ACBD5: variants seen among roughly 807,000 people sequenced by gnomAD.
ACBD5 encodes acyl-CoA binding domain containing 5, also known as acyl-CoA-binding domain-containing protein 5.
In ACBD5, 40 loss-of-function variants were observed where a neutral mutation model predicts 71.8. That is an observed-to-expected ratio of 0.56 (90% CI 0.43 to 0.72). The LOEUF (loss-of-function observed/expected upper bound fraction) is 0.72, where lower values mean the gene tolerates loss of function less well. ACBD5 is among the 30% of genes least tolerant of loss of function. ACBD5 has a pLI of 0.00. For missense variants in ACBD5, 559 were observed against 644.5 expected, an observed-to-expected ratio of 0.87 and a Z score of 1.44; for synonymous variants, 229 against 218.6, an observed-to-expected ratio of 1.05 and a Z score of -0.42.
chr10:27,183,073 T>C (rs2058419340), intron 13 of ACBD5, among the ~76,000 whole-genome samples: 1 of 152,212 alleles, frequency 6.6e-6, no homozygotes, highest in African/African-American at 2.4e-5. Context: ...TCCCTAATCT[T>C]GCGAGAGAGA....
At chr10:27,215,966 C>T (rs934823890) in intron 7 of ACBD5, among the ~76,000 whole-genome samples, 3 of 151,230 alleles carry the variant, frequency 2.0e-5, no homozygotes, top group Non-Finnish European at 2.9e-5. Context: ...CCTCCGCCTC[C>T]CGGATTCAAG....
At chr10:27,231,705 G>T in intron 4 of ACBD5, 43 bp downstream of exon 4, 1 of 1,558,216 alleles carries the variant, frequency 6.4e-7, no homozygotes, top group Non-Finnish European at 8.8e-7. Context: ...TTAAATTAGA[G>T]CTGCTCTGAA....
chr10:27,204,924 G>A (rs112575012), intron 11 of ACBD5, among the ~76,000 whole-genome samples: 4,749 of 152,144 alleles, frequency 0.031, 76 homozygotes, highest in African/African-American at 0.039. Context: ...TCAGGAGATC[G>A]AGACCATCTT....
intron 13 of ACBD5, among the ~76,000 whole-genome samples, chr10:27,182,906 C>T (rs2058409566): frequency 6.6e-6 from 1 of 151,950 alleles, no homozygotes; most frequent in South Asian, 2.1e-4. Flanking sequence ...CCTCAGCCTC[C>T]CCAAAATGCT....
rs2063891848 is a variant in ACBD5, at chr10:27,231,736, TA to T, written c.375+11del. 1 of 1,613,086 alleles carries T rather than the reference TA, an allele frequency of 6.2e-7. No individual in the cohort carries two copies. Among genetic ancestry groups the T allele is most frequent in the East Asian group, 2.2e-5 (1 of 44,812 alleles). ...CTGAATTTTCATTTTAACTGTGAAT[TA>T]TTTTCCCTACCTTTTTCATTTCTTC... is the stretch of plus-strand genomic sequence containing the variant. On this transcript the variant is annotated intron_variant, in intron 4 of 12. Transcript: ENST00000396271.
At chr10:27,233,767 G>A (rs192037077) in intron 3 of ACBD5, among the ~76,000 whole-genome samples, 1 of 152,230 alleles carries the variant, frequency 6.6e-6, no homozygotes, top group East Asian at 1.9e-4. Context: ...TGGGGCGGGA[G>A]CGGGGGGTGG....
At chr10:27,236,827 G>C (rs1402498408) in intron 2 of ACBD5, among the ~76,000 whole-genome samples, 2 of 144,762 alleles carry the variant, frequency 1.4e-5, no homozygotes, top group African/African-American at 2.6e-5. Flanking sequence ...GGTGGTTGCA[G>C]TGAGCCAAGA....
In ACBD5 at chr10:27,210,984, A is replaced by G. The variant is rs750391724; in HGVS notation, c.1034T>C (p.Ile345Thr). Residue 345 changes from isoleucine to threonine, a missense_variant, in exon 9 of 13, where the codon ATT (isoleucine) becomes ACT (threonine). Coordinates refer to ENST00000396271, the MANE Select transcript of ACBD5 (RefSeq NM_145698.5). ...GTTGCCATTTCCAGGAGGTACTTGA[A>G]TATCTTCACGAAATCCAGAATTTTC... ...PMENSGFRED[I>T]QVPPGNGNIG... The G allele has an allele frequency of 1.1e-5, 18 of 1,614,058 alleles. No homozygotes were observed. The highest frequency in any genetic ancestry group is 3.3e-4 in the Middle Eastern group (2 of 6,084).
intron 5 of ACBD5, 81 bp downstream of exon 5, chr10:27,223,257 G>GA (rs1224796306): frequency 3.5e-5 from 38 of 1,085,740 alleles, no homozygotes; most frequent in Non-Finnish European, 5.0e-5. Flanking sequence ...GTGAAAGTAA[G>GA]AAAAAAAATC....
At position 27,240,068 on chromosome 10, in the gene ACBD5, C is replaced by A. The variant is rs1172952316; in HGVS notation, c.181+251G>T. Among the ~76,000 whole-genome samples, 3 of 152,064 alleles carry A rather than the reference C, an allele frequency of 2.0e-5. No homozygotes were observed. The highest frequency in any genetic ancestry group is 6.6e-5 in the Admixed American group (1 of 15,264). On this transcript the variant is annotated intron_variant, in intron 2 of 12. Transcript: ENST00000396271. The surrounding 1 kb of genome is among the most constrained non-coding windows in gnomAD (Gnocchi z 4.1). ...CGGCCCGGATTTATTTTTTAACACA[C>A]CCAAATCCGCAGTCATTAAGTGACA...
downstream of ACBD5, among the ~76,000 whole-genome samples, chr10:27,191,551 A>C (rs2059078338): frequency 6.6e-6 from 1 of 152,106 alleles, no homozygotes; most frequent in Admixed American, 6.6e-5. Flanking sequence ...TGGGAGCTCT[A>C]CTTTCCACTT....
At position 27,235,098 on chromosome 10, in the gene ACBD5, T is replaced by C; in HGVS notation, c.296A>G (p.Tyr99Cys). 1.9e-6 allele frequency: 3 copies of C among 1,613,928 alleles called. No homozygotes were observed. The highest frequency in any genetic ancestry group is 2.5e-6 in the Non-Finnish European group (3 of 1,179,908). ...RPGFWDPIGR[Y>C]KWDAWSSLGD... Reference sequence around the variant, plus strand: ...GCTCTACACAAAAAATTACCATTTATATCTTCCAATAGGATCCCAAAATCC... The same window carrying C: ...GCTCTACACAAAAAATTACCATTTACATCTTCCAATAGGATCCCAAAATCC... Residue 99 changes from tyrosine (Y) to cysteine (C), a missense_variant, in exon 3 of 13, where the codon TAT becomes TGT. By Grantham distance (194) the Tyr-to-Cys change is radical (BLOSUM62 -2). Coordinates refer to ENST00000396271, the MANE Select transcript of ACBD5 (RefSeq NM_145698.5).
rs747726422 is a variant in ACBD5, at chr10:27,204,505, C to T, written c.1500G>A (p.Thr500=). 29 of 1,613,902 alleles carry T rather than the reference C, an allele frequency of 1.8e-5. No individual in the cohort carries two copies. Among genetic ancestry groups the T allele is most frequent in the Non-Finnish European group, 2.3e-5 (27 of 1,179,974 alleles). The change falls in exon 12 of 13, where the codon ACG becomes ACA. Residue 500 remains threonine (T), a synonymous_variant. Transcript: ENST00000396271. The part of the protein sequence containing the change: ...WPFEMSPGVL[T]FAIIWPFIAQ... ...CAATAAAAGGCCATATGATGGCAAACGTTAGCACACCAGGAGACATCTCGA... is the reference window on the plus strand; with the variant it reads ...CAATAAAAGGCCATATGATGGCAAATGTTAGCACACCAGGAGACATCTCGA...
At chr10:27,222,410 TAAAA>T (rs11322768) in intron 5 of ACBD5, among the ~76,000 whole-genome samples, 3 of 140,402 alleles carry the variant, frequency 2.1e-5, no homozygotes, top group African/African-American at 5.3e-5. Context: ...GACAAAATTC[TAAAA>T]AAAAAAAAAA....
intron 4 of ACBD5, among the ~76,000 whole-genome samples, chr10:27,229,466 T>C (rs2800397): frequency 0.78 from 117,373 of 151,442 alleles, 45,726 homozygotes; most frequent in African/African-American, 0.86. Context: ...ACGGCATGCC[T>C]CTGTAATCCC....
At chr10:27,212,447 C>T (rs2061191796) in intron 8 of ACBD5, among the ~76,000 whole-genome samples, 1 of 152,090 alleles carries the variant, frequency 6.6e-6, no homozygotes, top group Admixed American at 6.6e-5. Context: ...CTTTCATCAA[C>T]CTTCCCCAAA....
chr10:27,201,456 A>C lies in ACBD5; in HGVS notation c.1565+2984T>G, dbSNP rs148501058. Among the ~76,000 whole-genome samples the C allele has an allele frequency of 4.1e-3, 629 of 152,342 alleles. 3 individuals carry two copies. Among genetic ancestry groups the C allele is most frequent in the African/African-American group, 0.014 (585 of 41,590 alleles). On this transcript the variant is annotated intron_variant, in intron 12 of 12. Transcript: ENST00000396271. Reference sequence around the variant, plus strand: ...ATTATTCTACGCTAGAAAAAAAACCAGCAGACTTTATGTATTAATTTTAAT... The same window carrying C: ...ATTATTCTACGCTAGAAAAAAAACCCGCAGACTTTATGTATTAATTTTAAT...
chr10:27,193,672 A>G (rs2059177683), downstream of ACBD5, among the ~76,000 whole-genome samples: 1 of 152,168 alleles, frequency 6.6e-6, no homozygotes, highest in South Asian at 2.1e-4. Context: ...TAATGTAGAC[A>G]TTAGATCTAA....
In ACBD5 at chr10:27,214,192, C is replaced by T. The variant is rs368326386; in HGVS notation, c.936+1343G>A. 4.6e-5 allele frequency among the ~76,000 whole-genome samples: 7 copies of T among 151,940 alleles called. No homozygotes were observed. The South Asian group carries it at 1.5e-3, about 32-fold the overall frequency. On this transcript the variant is annotated intron_variant, in intron 8 of 12. Transcript: ENST00000396271. ...GATAGCACAGCAGAGTGGCTATAGT[C>T]GGCAATACTTTGTTGTACATTTTAG... is the stretch of plus-strand genomic sequence containing the variant.
Sources: gnomAD v4.1 joint callset for allele counts (sites outside exome capture counted in the v4.1 genomes callset) on GRCh38, gnomAD v4.1.1 for gene constraint, Gnocchi (gnomAD v3.1) non-coding constraint, MANE v1.5 for transcripts, NCBI Gene and HGNC (gene_info 2026-07-23, HGNC 2026-07-21) for gene names.